The following CCDC14 variants were observed in gnomAD, a reference collection of about 807,000 sequenced individuals.
CCDC14 encodes coiled-coil domain-containing protein 14.
In CCDC14, 71 loss-of-function variants were observed where a neutral mutation model predicts 81.4. The observed-to-expected ratio is 0.87, with a 90% CI of 0.72 to 1.06. CCDC14 has a LOEUF of 1.06. CCDC14 is among the 50% of genes least tolerant of loss of function. The probability of loss-of-function intolerance (pLI) is 0.00; values close to 1 mark genes in which losing one functional copy is unlikely to be tolerated. For synonymous variants in CCDC14, 332 were observed against 364.8 expected (o/e 0.91, Z 1.03); for missense variants, 1,046 against 1,047.3 (o/e 1.00, Z 0.02).
intron 12 of CCDC14, among the ~76,000 whole-genome samples, chr3:123,922,071 G>C (rs1029631169): frequency 1.3e-5 from 2 of 152,116 alleles, no homozygotes; most frequent in Non-Finnish European, 2.9e-5. Flanking sequence ...TCAATAACGA[G>C]AAATTTTGGG....
chr3:123,900,731 A>G (rs59548121), intron 5 of CCDC14, among the ~76,000 whole-genome samples: 19,539 of 152,166 alleles, frequency 0.13, 2,880 homozygotes, highest in East Asian at 0.47. Flanking sequence ...AAAGACACAA[A>G]GTATTTGAAT....
intron 5 of CCDC14, among the ~76,000 whole-genome samples, chr3:123,908,375 A>T (rs2034367820): frequency 6.6e-6 from 1 of 152,172 alleles, no homozygotes; most frequent in Non-Finnish European, 1.5e-5. Flanking sequence ...TTAAATGCTC[A>T]GTATGTAGTA....
chr3:123,907,985 CA>C (rs2034357036), intron 5 of CCDC14, among the ~76,000 whole-genome samples: 1 of 152,014 alleles, frequency 6.6e-6, no homozygotes, highest in South Asian at 2.1e-4. Context: ...ACCATCTTCA[CA>C]TTAAGAACCA....
At chr3:123,899,914 G>A (rs1048039166) in intron 5 of CCDC14, among the ~76,000 whole-genome samples, 3 of 152,112 alleles carry the variant, frequency 2.0e-5, no homozygotes, top group Non-Finnish European at 4.4e-5. Flanking sequence ...TCTTTTCCAA[G>A]CTTGAATGAT....
At chr3:123,948,402 C>T (rs1333027557) in intron 7 of CCDC14, among the ~76,000 whole-genome samples, 11 of 152,122 alleles carry the variant, frequency 7.2e-5, no homozygotes, top group Admixed American at 5.2e-4. Context: ...CCACCATGCC[C>T]AGCTAATTTC....
intron 9 of CCDC14, among the ~76,000 whole-genome samples, chr3:123,935,552 T>C (rs2036009509): frequency 6.6e-6 from 1 of 152,192 alleles, no homozygotes; most frequent in African/African-American, 2.4e-5. Context: ...CATCCATATA[T>C]GAAATACTAA....
chr3:123,955,776 CT>C (rs1702524543), intron 5 of CCDC14, 66 bp downstream of exon 5: 1 of 1,340,112 alleles, frequency 7.5e-7, no homozygotes, highest in Admixed American at 2.8e-5. Flanking sequence ...CTGTATAATC[CT>C]GATAATTGAT....
chr3:123,959,848 C>A lies in CCDC14; in HGVS notation c.30+1296G>T, dbSNP rs571773956. ...GCAATTTTAAATCCTGTGTTTTCTA[C>A]TTTTAAATCTTTTTCATATTCATAA... is the stretch of plus-strand genomic sequence containing the variant. On this transcript the variant is annotated intron_variant, in intron 1 of 12. Transcript: ENST00000409697. Among the ~76,000 whole-genome samples the A allele has an allele frequency of 2.7e-3, 410 of 151,712 alleles. 3 individuals are homozygous for A. Among genetic ancestry groups the A allele is most frequent in the African/African-American group, 9.7e-3 (399 of 41,324 alleles).
chr3:123,896,771 C>T (rs2034071669), downstream of CCDC14, among the ~76,000 whole-genome samples: 1 of 152,162 alleles, frequency 6.6e-6, no homozygotes, highest in African/African-American at 2.4e-5. Context: ...TAAGTATTCA[C>T]TGTACACTGA....
At chr3:123,893,932 T>G (rs1234168229), downstream of CCDC14, among the ~76,000 whole-genome samples, 1 of 152,198 alleles carries the variant, frequency 6.6e-6, no homozygotes, top group Admixed American at 6.5e-5. Flanking sequence ...TCTTTACATA[T>G]TCTGACTATT....
At chr3:123,938,947 TTCTG>T (rs2036201378) in intron 9 of CCDC14, among the ~76,000 whole-genome samples, 1 of 151,946 alleles carries the variant, frequency 6.6e-6, no homozygotes, top group African/African-American at 2.4e-5. Flanking sequence ...TACTAACACA[TTCTG>T]ATCTATAACC....
chr3:123,959,775 A>G (rs1004651840), intron 1 of CCDC14, among the ~76,000 whole-genome samples: 5 of 129,042 alleles, frequency 3.9e-5, no homozygotes, highest in Admixed American at 1.1e-4. Flanking sequence ...GGGGCCTCCA[A>G]TCTTTTTTCA....
the CCDC14 span, among the ~76,000 whole-genome samples, chr3:123,887,122 CT>C: frequency 6.6e-6 from 1 of 152,134 alleles, no homozygotes; most frequent in East Asian, 1.9e-4. Flanking sequence ...TGCTATCCAT[CT>C]TTTATAGTTA....
chr3:123,930,480 A>C (rs1199215104), intron 12 of CCDC14, among the ~76,000 whole-genome samples: 5 of 152,370 alleles, frequency 3.3e-5, no homozygotes, highest in Admixed American at 3.3e-4. Context: ...CAAATATCTC[A>C]AAAGAAAACT....
intron 1 of CCDC14, among the ~76,000 whole-genome samples, chr3:123,960,146 C>A (rs1001817468): frequency 6.6e-6 from 1 of 152,206 alleles, no homozygotes; most frequent in Non-Finnish European, 1.5e-5. Flanking sequence ...TTTACACTTA[C>A]TTCTACGAGG....
intron 1 of CCDC14, among the ~76,000 whole-genome samples, chr3:123,960,459 C>T (rs1339572739): frequency 1.3e-5 from 2 of 152,110 alleles, no homozygotes; most frequent in African/African-American, 4.8e-5. Flanking sequence ...TGTGTAACTG[C>T]CAAGTTATTT....
chr3:123,936,279 C>T (rs1348313539), intron 9 of CCDC14, among the ~76,000 whole-genome samples: 2 of 151,776 alleles, frequency 1.3e-5, no homozygotes, highest in African/African-American at 2.4e-5. Flanking sequence ...GTTACACATG[C>T]TATTTTAAGA....
At chr3:123,958,511 T>C (rs1167040983) in intron 1 of CCDC14, 2 of 152,122 alleles carry the variant, frequency 1.3e-5, no homozygotes, top group Non-Finnish European at 1.5e-5. Context: ...AGATGCCCTA[T>C]ATATGCTTCA....
chr3:123,911,841 C>T (rs941299078), downstream of CCDC14, among the ~76,000 whole-genome samples: 3 of 152,146 alleles, frequency 2.0e-5, no homozygotes, highest in African/African-American at 7.2e-5. Flanking sequence ...CAATGCTGCC[C>T]TACTTTCCAT....
Sources: gnomAD v4.1 joint callset for allele counts (sites outside exome capture counted in the v4.1 genomes callset) on GRCh38, gnomAD v4.1.1 for gene constraint, MANE v1.5 for transcripts, NCBI Gene and HGNC (gene_info 2026-07-23, HGNC 2026-07-21) for gene names.